GBF1: variants seen among roughly 807,000 people sequenced by gnomAD.
GBF1 encodes the protein golgi brefeldin A resistant guanine nucleotide exchange factor 1, also known as Golgi-specific brefeldin A-resistance guanine nucleotide exchange factor 1.
Under a neutral mutation model 210.5 loss-of-function variants are expected in GBF1, and 114 were observed. The observed-to-expected ratio is 0.54, with a 90% CI of 0.47 to 0.63. The LOEUF is 0.63. Among genes scored for constraint, GBF1 ranks in the 30% least tolerant of loss-of-function variants. The pLI is 0.00. For missense variants in GBF1, 1,851 were observed against 2,357.7 expected (o/e 0.79, Z 4.45); for synonymous variants, 850 against 889.2 (o/e 0.96, Z 0.78).
At chr10:102,289,340 T>G (rs1398346551) in intron 3 of GBF1, among the ~76,000 whole-genome samples, 2 of 152,174 alleles carry the variant, frequency 1.3e-5, no homozygotes, top group Non-Finnish European at 2.9e-5. Context: ...GAGAATATAC[T>G]TATTCAGCTC....
chr10:102,361,226 T>C, intron 13 of GBF1, 106 bp downstream of exon 13: 2 of 739,028 alleles, frequency 2.7e-6, no homozygotes, highest in Non-Finnish European at 2.5e-6. Flanking sequence ...ATTTAGGGAC[T>C]TCCTATAGGA....
intron 3 of GBF1, among the ~76,000 whole-genome samples, chr10:102,290,408 A>G (rs1055431664): frequency 6.6e-6 from 1 of 152,086 alleles, no homozygotes; most frequent in Admixed American, 6.5e-5. Flanking sequence ...CCATAGATTA[A>G]CTATCCTTTT....
intron 17 of GBF1, 61 bp from the exon 18 acceptor site, chr10:102,365,336 G>A: frequency 2.3e-6 from 3 of 1,328,444 alleles, no homozygotes. Flanking sequence ...GTGGACTCCA[G>A]GCTGGCCTTG....
chr10:102,350,979 C>T (rs1010376332), intron 4 of GBF1, among the ~76,000 whole-genome samples: 3 of 151,384 alleles, frequency 2.0e-5, no homozygotes, highest in African/African-American at 2.4e-5. Flanking sequence ...GCCAGCTACT[C>T]GGGAGGCTAA....
Position 102,380,390 on chromosome 10 carries a change from G to C in GBF1, c.4992+28G>C, listed in dbSNP as rs768490729. 16 of 1,583,870 alleles carry C rather than the reference G, an allele frequency of 1.0e-5. No homozygotes were observed. In the South Asian group the frequency reaches 1.8e-4, roughly 17 times the overall value. On this transcript the variant is annotated intron_variant, in intron 37 of 39. Transcript: ENST00000369983. ...ATGTTCTACCTCAGCTCTGCTGCCTGCCTCCTGTCCCACCTGTTGGAAGGA... is the reference window on the plus strand; with the variant it reads ...ATGTTCTACCTCAGCTCTGCTGCCTCCCTCCTGTCCCACCTGTTGGAAGGA...
intron 3 of GBF1, among the ~76,000 whole-genome samples, chr10:102,269,965 G>A (rs148511502): frequency 0.01 from 1,555 of 150,974 alleles, 23 homozygotes; most frequent in African/African-American, 0.036. Context: ...TGCCAGCTCT[G>A]CCTTCCGGGT....
At chr10:102,349,550 A>G (rs531162152) in intron 4 of GBF1, among the ~76,000 whole-genome samples, 207 of 152,286 alleles carry the variant, frequency 1.4e-3, no homozygotes, top group Admixed American at 2.2e-3. Context: ...CAAAAGAAAG[A>G]GAGAGAAAAA....
chr10:102,377,029 C>T lies in GBF1; in HGVS notation c.4383C>T (p.Arg1461=). Residue 1461 remains arginine, a synonymous_variant, in exon 33 of 40, where the codon CGC becomes CGT. Coordinates refer to ENST00000369983, the MANE Select transcript of GBF1 (RefSeq NM_001377137.1). ...AATCCAAAGAGGGATCAATGCTTCG[C>T]CGGCCTCGAACCTCCAGCCAACATG... ...KKKSKEGSML[R]RPRTSSQHAS... is the part of the protein sequence containing the mutation. The T allele has an allele frequency of 1.2e-6, 2 of 1,614,088 alleles. No individual in the cohort carries two copies. The highest frequency in any genetic ancestry group is 1.7e-6 in the Non-Finnish European group (2 of 1,179,950).
chr10:102,249,924 T>G (rs931838631), intron 1 of GBF1, among the ~76,000 whole-genome samples: 2 of 152,088 alleles, frequency 1.3e-5, no homozygotes, highest in African/African-American at 2.4e-5. Context: ...ACTCTTGACT[T>G]CGTGATCCGC....
intron 14 of GBF1, 127 bp from the exon 15 acceptor site, chr10:102,362,348 G>A (rs1390421659): frequency 2.2e-5 from 15 of 685,176 alleles, no homozygotes; most frequent in African/African-American, 1.6e-4. Flanking sequence ...GAGCCACCAC[G>A]CCCGGCCAGA....
chr10:102,336,661 T>C (rs1355275849), intron 3 of GBF1, among the ~76,000 whole-genome samples: 4 of 152,218 alleles, frequency 2.6e-5, no homozygotes, highest in Non-Finnish European at 5.9e-5. Context: ...AACTGGGATT[T>C]GAATCGTCCA....
At chr10:102,380,745 C>A in intron 38 of GBF1, 59 bp downstream of exon 38, 1 of 1,380,310 alleles carries the variant, frequency 7.2e-7, no homozygotes, top group Non-Finnish European at 1.0e-6. Flanking sequence ...CAATGGCTCA[C>A]ACCTCTAATC....
At chr10:102,287,192 GTTA>G (rs1271891691) in intron 3 of GBF1, among the ~76,000 whole-genome samples, 1 of 151,788 alleles carries the variant, frequency 6.6e-6, no homozygotes, top group African/African-American at 2.4e-5. Flanking sequence ...TTGATGTTAT[GTTA>G]TTATGTTATC....
At chr10:102,355,928 G>A (rs1445793482) in intron 8 of GBF1, among the ~76,000 whole-genome samples, 1 of 152,186 alleles carries the variant, frequency 6.6e-6, no homozygotes, top group African/African-American at 2.4e-5. Flanking sequence ...AGCTCCAGTG[G>A]TTCCTGGGGA....
chr10:102,290,198 T>C (rs1008426811), intron 3 of GBF1, among the ~76,000 whole-genome samples: 5 of 152,218 alleles, frequency 3.3e-5, no homozygotes, highest in Admixed American at 2.6e-4. Flanking sequence ...GCCTTATTAT[T>C]ATTTTTTCCT....
intron 33 of GBF1, among the ~76,000 whole-genome samples, chr10:102,378,684 C>G (rs2060656582): frequency 6.6e-6 from 1 of 152,050 alleles, no homozygotes; most frequent in African/African-American, 2.4e-5. Context: ...ATAATCACAC[C>G]TGTAATCCTA....
At chr10:102,369,595 C>T in intron 24 of GBF1, 116 bp from the exon 25 acceptor site, 1 of 1,012,418 alleles carries the variant, frequency 9.9e-7, no homozygotes, top group Non-Finnish European at 1.5e-6. Context: ...CACCAATTGG[C>T]ACAATAGCAT....
intron 3 of GBF1, among the ~76,000 whole-genome samples, chr10:102,325,474 CAGG>C (rs2056815920): frequency 6.8e-6 from 1 of 147,744 alleles, no homozygotes; most frequent in Non-Finnish European, 1.5e-5. Context: ...TGCTTGAACT[CAGG>C]AGACGGAGGT....
intron 14 of GBF1, 132 bp downstream of exon 14, chr10:102,362,044 T>A (rs1417138637): frequency 2.2e-6 from 1 of 446,444 alleles, no homozygotes; most frequent in Admixed American, 4.3e-5. Context: ...CATTTTCTTT[T>A]CTTTTCTTTT....
Sources: gnomAD v4.1 joint callset for allele counts (sites outside exome capture counted in the v4.1 genomes callset) on GRCh38, gnomAD v4.1.1 for gene constraint, MANE v1.5 for transcripts, NCBI Gene and HGNC (gene_info 2026-07-23, HGNC 2026-07-21) for gene names.